TAFA5: variants seen among roughly 807,000 people sequenced by gnomAD.
The protein encoded by TAFA5 is TAFA chemokine like family member 5, also known as chemokine-like protein TAFA-5.
TAFA5 carries 6 observed loss-of-function variants against 15.3 expected under a neutral mutation model. The ratio of observed to expected loss-of-function variants is 0.39; its 90% confidence interval spans 0.21 to 0.77. The LOEUF (loss-of-function observed/expected upper bound fraction) is 0.77, where lower values mean the gene tolerates loss of function less well. Among genes scored for constraint, TAFA5 ranks in the 30% least tolerant of loss-of-function variants. TAFA5 has a pLI of 0.41. For synonymous variants in TAFA5, 103 were observed against 80.7 expected (o/e 1.28, Z -1.48); for missense variants, 161 against 193.1 (o/e 0.83, Z 0.98).
chr22:48,614,400 A>G (rs536303361), intron 1 of TAFA5, among the ~76,000 whole-genome samples: 1 of 152,316 alleles, frequency 6.6e-6, no homozygotes, highest in African/African-American at 2.4e-5. Context: ...TCACAGATGC[A>G]CTGATGCATT....
intron 2 of TAFA5, among the ~76,000 whole-genome samples, chr22:48,649,282 A>G (rs888397465): frequency 4.6e-5 from 7 of 152,264 alleles, no homozygotes. Flanking sequence ...CCACCTGTCT[A>G]TCTTCCCTAG....
At position 48,489,671 on chromosome 22, in the gene TAFA5, A is replaced by G; in HGVS notation, c.79A>G (p.Met27Val). The change falls in exon 1 of 4, where the codon ATG becomes GTG. Residue 27 changes from methionine to valine, a missense_variant. Met to Val is a conservative substitution (Grantham distance 21). Transcript: ENST00000402357. This position sits in a 1 kb window ranked among gnomAD's most constrained non-coding sequence, Gnocchi z 5.5. ...CATGTCCTCAACTTTCTGGGCGTTC[A>G]TGATCCTGGCCAGCCTGCTCATCGC... ...PSMSSTFWAFMILASLLIAYC... is the reference protein window; with the variant it reads ...PSMSSTFWAFVILASLLIAYC... 1.3e-6 allele frequency: 2 copies of G among 1,530,090 alleles called. No homozygotes were observed. Among genetic ancestry groups the G allele is most frequent in the Non-Finnish European group, 1.8e-6 (2 of 1,138,702 alleles). 94.8% of individuals were successfully genotyped at this position (1,530,090 alleles called of 1,614,324 possible).
chr22:48,497,025 G>C (rs1268171094), intron 1 of TAFA5, among the ~76,000 whole-genome samples: 1 of 152,210 alleles, frequency 6.6e-6, no homozygotes, highest in African/African-American at 2.4e-5. Context: ...CTTATGGGGA[G>C]CGGTGGGGCT....
chr22:48,593,010 GT>G (rs1480103377), intron 1 of TAFA5, among the ~76,000 whole-genome samples: 6 of 152,152 alleles, frequency 3.9e-5, no homozygotes, highest in Non-Finnish European at 5.9e-5. Context: ...AGCTAGCTGA[GT>G]GGGGCGGGGG....
chr22:48,673,852 G>T (rs1927878893), intron 2 of TAFA5, among the ~76,000 whole-genome samples: 1 of 152,068 alleles, frequency 6.6e-6, no homozygotes, highest in Admixed American at 6.5e-5. Context: ...TTCTTTACAG[G>T]CCCTTCCCCT....
intron 2 of TAFA5, among the ~76,000 whole-genome samples, chr22:48,684,519 G>A (rs766418394): frequency 2.0e-5 from 3 of 152,174 alleles, no homozygotes; most frequent in East Asian, 1.9e-4. Flanking sequence ...CCAGGACTCA[G>A]GTAGGAACAA....
At chr22:48,630,288 A>G (rs1272448437) in intron 1 of TAFA5, among the ~76,000 whole-genome samples, 2 of 152,088 alleles carry the variant, frequency 1.3e-5, no homozygotes, top group Admixed American at 1.3e-4. Flanking sequence ...TGTTTGCCCC[A>G]AGTTACTCCC....
intron 1 of TAFA5, among the ~76,000 whole-genome samples, chr22:48,494,613 T>C (rs1412325066): frequency 1.3e-5 from 2 of 152,168 alleles, no homozygotes; most frequent in Non-Finnish European, 2.9e-5. Flanking sequence ...TCCTGGGGCT[T>C]CTCCACTGAC....
At chr22:48,567,797 G>C (rs919807598) in intron 1 of TAFA5, among the ~76,000 whole-genome samples, 1 of 152,206 alleles carries the variant, frequency 6.6e-6, no homozygotes, top group Non-Finnish European at 1.5e-5. Flanking sequence ...TGACACCGCT[G>C]TCTGCAGGGT....
At chr22:48,745,169 A>G (rs1002329456) in intron 3 of TAFA5, among the ~76,000 whole-genome samples, 1 of 152,244 alleles carries the variant, frequency 6.6e-6, no homozygotes, top group African/African-American at 2.4e-5. Flanking sequence ...GAGCAGGCTC[A>G]TTGCACAGGG....
intron 1 of TAFA5, among the ~76,000 whole-genome samples, chr22:48,634,648 T>TTCACTCACTCAC (rs113169485): frequency 6.6e-6 from 1 of 150,848 alleles, no homozygotes; most frequent in East Asian, 2.0e-4. Flanking sequence ...TACTCAGTCA[T>TTCACTCACTCAC]TCACTCACTC....
chr22:48,622,816 G>A (rs988145541), intron 1 of TAFA5, among the ~76,000 whole-genome samples: 5 of 152,330 alleles, frequency 3.3e-5, no homozygotes, highest in African/African-American at 1.2e-4. Flanking sequence ...TGTGTTGGCT[G>A]CCTCTTTGGA....
chr22:48,678,376 C>T (rs565255363), intron 2 of TAFA5, among the ~76,000 whole-genome samples: 4 of 152,318 alleles, frequency 2.6e-5, no homozygotes, highest in East Asian at 1.9e-4. Context: ...TGACCCTATG[C>T]GGGGCAAAGA....
chr22:48,639,649 G>A (rs1013451964), intron 1 of TAFA5, among the ~76,000 whole-genome samples: 1 of 152,128 alleles, frequency 6.6e-6, no homozygotes, highest in Non-Finnish European at 1.5e-5. Context: ...ACATGCAGGT[G>A]CCCCCACTGC....
chr22:48,539,287 G>A (rs1257316604), intron 1 of TAFA5: 5 of 457,800 alleles, frequency 1.1e-5, no homozygotes, highest in South Asian at 6.3e-5. Flanking sequence ...AGACCCTGGC[G>A]GACTCCTAAA....
At chr22:48,661,974 T>C (rs1256902737) in intron 2 of TAFA5, among the ~76,000 whole-genome samples, 1 of 60,490 alleles carries the variant, frequency 1.7e-5, no homozygotes, top group South Asian at 5.1e-4. Flanking sequence ...GTGCCCACTT[T>C]GGGGAGATGG....
In TAFA5 at chr22:48,551,507, C is replaced by T. The variant is rs1922854760; in HGVS notation, c.112+61803C>T. On this transcript the variant is annotated intron_variant, in intron 1 of 3. Coordinates refer to ENST00000402357, the MANE Select transcript of TAFA5 (RefSeq NM_001082967.3). ...AGGTGATGGCGGCTCGCTGGTTTTC[C>T]AGGCACACACTAAGGGGCCCAGCCC... 2.6e-5 allele frequency among the ~76,000 whole-genome samples: 4 copies of T among 152,200 alleles called. No individual in the cohort carries two copies. In the South Asian group the frequency reaches 8.3e-4, roughly 31 times the overall value.
intron 2 of TAFA5, among the ~76,000 whole-genome samples, chr22:48,701,447 C>G (rs902202118): frequency 1.3e-5 from 2 of 152,170 alleles, no homozygotes; most frequent in African/African-American, 2.4e-5. Context: ...CTCCTGGGAC[C>G]CTGCCTGCCC....
At chr22:48,673,348 C>T (rs180953434) in intron 2 of TAFA5, among the ~76,000 whole-genome samples, 28 of 152,284 alleles carry the variant, frequency 1.8e-4, no homozygotes, top group Non-Finnish European at 3.1e-4. Flanking sequence ...GTTTTCAGCT[C>T]GCTCCTCTCT....
Sources: allele counts gnomAD v4.1 joint callset (sites outside exome capture counted in the v4.1 genomes callset), GRCh38; gene constraint gnomAD v4.1.1; non-coding constraint Gnocchi (gnomAD v3.1); transcripts MANE v1.5; gene names NCBI Gene and HGNC (gene_info 2026-07-23, HGNC 2026-07-21).